ELMO1: variants seen among roughly 807,000 people sequenced by gnomAD.
The protein encoded by ELMO1 is engulfment and cell motility 1, also known as engulfment and cell motility protein 1.
Under a neutral mutation model 98.9 loss-of-function variants are expected in ELMO1, and 26 were observed. That is an observed-to-expected ratio of 0.26 (90% CI 0.19 to 0.36). The LOEUF is 0.36. Ranked by LOEUF, ELMO1 falls within the 10% of genes least tolerant of loss-of-function variation. The pLI is 1.00. For synonymous variants in ELMO1, 346 were observed against 346.0 expected (o/e 1.00, Z 0.00); for missense variants, 627 against 935.2 (o/e 0.67, Z 4.30).
chr7:37,157,449 G>C (rs1788862973), intron 13 of ELMO1, among the ~76,000 whole-genome samples: 1 of 152,178 alleles, frequency 6.6e-6, no homozygotes, highest in Non-Finnish European at 1.5e-5. Flanking sequence ...TCCTTAAGCT[G>C]ATAAGCAACT....
chr7:37,173,046 G>A lies in ELMO1; in HGVS notation c.1086+38340C>T, dbSNP rs77308285. ...AGAACCTTCTGTTATAGTAAACAAC[G>A]TTCACAAGACTTGACTTTCCTCTTC... is the stretch of plus-strand genomic sequence containing the variant. On this transcript the variant is annotated intron_variant, in intron 13 of 21. Transcript: ENST00000310758. 1.7e-3 allele frequency among the ~76,000 whole-genome samples: 253 copies of A among 152,266 alleles called. 2 individuals carry two copies. In the South Asian group the frequency reaches 0.017, roughly 10 times the overall value.
chr7:37,055,586 CA>C (rs1350815728), intron 15 of ELMO1, among the ~76,000 whole-genome samples: 1 of 152,178 alleles, frequency 6.6e-6, no homozygotes, highest in Non-Finnish European at 1.5e-5. Context: ...GCTTGTGAGT[CA>C]ATGTTCAAGA....
chr7:36,901,073 C>T, intron 16 of ELMO1, among the ~76,000 whole-genome samples: 1 of 152,286 alleles, frequency 6.6e-6, no homozygotes, highest in East Asian at 1.9e-4. Context: ...AGTGAGGGTA[C>T]AAACTGATGG....
At chr7:37,313,604 C>T (rs1798998140) in intron 4 of ELMO1, among the ~76,000 whole-genome samples, 1 of 152,106 alleles carries the variant, frequency 6.6e-6, no homozygotes, top group African/African-American at 2.4e-5. Context: ...TACAAAATTC[C>T]CAGTGTTCAT....
intron 14 of ELMO1, among the ~76,000 whole-genome samples, chr7:37,107,015 C>T (rs1048448346): frequency 6.6e-6 from 1 of 152,134 alleles, no homozygotes; most frequent in Non-Finnish European, 1.5e-5. Flanking sequence ...GCACTGCTTC[C>T]CCAAACTATC....
At chr7:36,926,556 G>C (rs924526424) in intron 16 of ELMO1, among the ~76,000 whole-genome samples, 10 of 152,184 alleles carry the variant, frequency 6.6e-5, no homozygotes, top group African/African-American at 2.4e-4. Flanking sequence ...GATCCACTCA[G>C]AATTGTACTT....
chr7:36,923,868 T>C (rs1280971484), intron 16 of ELMO1, among the ~76,000 whole-genome samples: 1 of 152,156 alleles, frequency 6.6e-6, no homozygotes, highest in Non-Finnish European at 1.5e-5. Flanking sequence ...AGAGGGACAT[T>C]CCAGGCAAAG....
At chr7:37,204,393 G>C (rs1369641458) in intron 13 of ELMO1, 1 of 356,728 alleles carries the variant, frequency 2.8e-6, no homozygotes, top group Non-Finnish European at 5.5e-6. Flanking sequence ...AGTTCATAAA[G>C]GCGGCATGTC....
chr7:37,384,229 C>A (rs1802698454), intron 1 of ELMO1, among the ~76,000 whole-genome samples: 1 of 152,072 alleles, frequency 6.6e-6, no homozygotes, highest in African/African-American at 2.4e-5. Context: ...CAGATTATTA[C>A]CTCTTTTAGT....
At chr7:37,440,140 G>A (rs541953884) in intron 1 of ELMO1, among the ~76,000 whole-genome samples, 7 of 152,204 alleles carry the variant, frequency 4.6e-5, no homozygotes, top group African/African-American at 1.7e-4. Context: ...TGAGGCACAA[G>A]TCCACTATAA....
chr7:37,430,554 ATTTAAGTCTTAAT>A (rs1804890299), intron 1 of ELMO1, among the ~76,000 whole-genome samples: 1 of 152,262 alleles, frequency 6.6e-6, no homozygotes, highest in Non-Finnish European at 1.5e-5. Context: ...CAAACTTGAA[ATTTAAGTCTTAAT>A]GCAAACAACA....
intron 1 of ELMO1, among the ~76,000 whole-genome samples, chr7:37,366,099 T>A (rs1055036109): frequency 3.3e-5 from 5 of 152,182 alleles, no homozygotes; most frequent in Non-Finnish European, 7.3e-5. Context: ...TCACACCATA[T>A]TCAAAGGGGC....
chr7:37,441,241 G>C (rs1805404461), intron 1 of ELMO1, among the ~76,000 whole-genome samples: 1 of 14,176 alleles, frequency 7.1e-5, no homozygotes, highest in Non-Finnish European at 1.2e-4. Flanking sequence ...GTCATAGCTA[G>C]TCTATAACCC....
intron 10 of ELMO1, among the ~76,000 whole-genome samples, chr7:37,217,076 C>T (rs763443565): frequency 3.9e-5 from 6 of 152,182 alleles, no homozygotes; most frequent in Non-Finnish European, 7.3e-5. Context: ...CAACACATGC[C>T]TGTAGCAAGG....
intron 10 of ELMO1, among the ~76,000 whole-genome samples, chr7:37,219,456 C>T (rs912957397): frequency 2.0e-5 from 3 of 152,150 alleles, no homozygotes; most frequent in African/African-American, 7.2e-5. Flanking sequence ...CTACTCCAAA[C>T]AAAGCAATGG....
chr7:36,947,008 G>A (rs1407874053), intron 16 of ELMO1, among the ~76,000 whole-genome samples: 2 of 152,070 alleles, frequency 1.3e-5, no homozygotes, highest in Non-Finnish European at 2.9e-5. Flanking sequence ...GGGTACACGT[G>A]CAGGTTTGCT....
intron 15 of ELMO1, among the ~76,000 whole-genome samples, chr7:37,025,930 T>TATCTA (rs1794548415): frequency 6.7e-6 from 1 of 150,320 alleles, no homozygotes. Flanking sequence ...TCTATCTATC[T>TATCTA]ATCTATTTTT....
intron 2 of ELMO1, among the ~76,000 whole-genome samples, chr7:37,316,524 G>A (rs971962681): frequency 7.2e-5 from 11 of 152,118 alleles, no homozygotes; most frequent in African/African-American, 2.7e-4. Context: ...CCAGTAATGC[G>A]ACCATGACAC....
intron 16 of ELMO1, among the ~76,000 whole-genome samples, chr7:36,945,642 C>T (rs972045634): frequency 2.0e-5 from 3 of 152,302 alleles, no homozygotes; most frequent in Non-Finnish European, 4.4e-5. Flanking sequence ...GGGGTTAAAT[C>T]GGGCAAATTT....
Sources: allele counts gnomAD v4.1 joint callset (sites outside exome capture counted in the v4.1 genomes callset), GRCh38; gene constraint gnomAD v4.1.1; transcripts MANE v1.5; gene names NCBI Gene and HGNC (gene_info 2026-07-23, HGNC 2026-07-21).